The following PITPNB variants were observed in gnomAD, a reference collection of about 807,000 sequenced individuals.
PITPNB encodes phosphatidylinositol transfer protein beta.
In PITPNB, 16 loss-of-function variants were observed where a neutral mutation model predicts 45.9. The ratio of observed to expected loss-of-function variants is 0.35; its 90% confidence interval spans 0.24 to 0.53. The LOEUF (loss-of-function observed/expected upper bound fraction) is 0.53. Among genes scored for constraint, PITPNB ranks in the 20% least tolerant of loss-of-function variants. PITPNB has a pLI of 0.93. For synonymous variants in PITPNB, 112 were observed against 108.9 expected, an observed-to-expected ratio of 1.03 and a Z score of -0.18; for missense variants, 188 against 330.5, an observed-to-expected ratio of 0.57 and a Z score of 3.34.
intron 7 of PITPNB, among the ~76,000 whole-genome samples, chr22:27,883,821 G>GC (rs1485205037): frequency 6.6e-5 from 10 of 152,312 alleles, no homozygotes; most frequent in African/African-American, 2.4e-4. Flanking sequence ...GTACAGACCT[G>GC]CCTAATGACC....
intron 7 of PITPNB, among the ~76,000 whole-genome samples, chr22:27,893,254 C>G (rs938849401): frequency 6.6e-6 from 1 of 151,340 alleles, no homozygotes; most frequent in African/African-American, 2.4e-5. Flanking sequence ...TATTCATAAA[C>G]TTTGGCAAGA....
At chr22:27,879,767 A>G (rs1934916246) in intron 7 of PITPNB, among the ~76,000 whole-genome samples, 1 of 152,140 alleles carries the variant, frequency 6.6e-6, no homozygotes, top group Non-Finnish European at 1.5e-5. Context: ...TCCTTAAATG[A>G]CAGTAAATCA....
chr22:27,908,362 C>G (rs1935824792), intron 3 of PITPNB, among the ~76,000 whole-genome samples: 1 of 143,228 alleles, frequency 7.0e-6, no homozygotes. Context: ...TTTTTCAAAA[C>G]ACATGTAATG....
At chr22:27,918,807 T>G (rs1936172086) in intron 1 of PITPNB, among the ~76,000 whole-genome samples, 1 of 152,086 alleles carries the variant, frequency 6.6e-6, no homozygotes, top group African/African-American at 2.4e-5. Context: ...ACCCTCGGAC[T>G]GCGGCTCCTT....
intron 1 of PITPNB, among the ~76,000 whole-genome samples, chr22:27,917,086 T>C (rs892806380): frequency 1.3e-5 from 2 of 152,218 alleles, no homozygotes; most frequent in Non-Finnish European, 1.5e-5. Context: ...GAGATACACA[T>C]GAAGAGTTAA....
chr22:27,871,776 A>G (rs945158804), intron 8 of PITPNB, among the ~76,000 whole-genome samples: 2 of 152,222 alleles, frequency 1.3e-5, no homozygotes, highest in Non-Finnish European at 2.9e-5. Context: ...GTAATCCCCA[A>G]TGTTGAAATG....
chr22:27,886,462 T>C (rs769436513), intron 7 of PITPNB, among the ~76,000 whole-genome samples: 1 of 152,248 alleles, frequency 6.6e-6, no homozygotes, highest in African/African-American at 2.4e-5. Flanking sequence ...CCTAGAGTTA[T>C]TGTGATGATG....
chr22:27,882,840 C>A (rs1258062455), intron 7 of PITPNB, among the ~76,000 whole-genome samples: 1 of 152,252 alleles, frequency 6.6e-6, no homozygotes, highest in East Asian at 1.9e-4. Flanking sequence ...TTCAGCATGT[C>A]CGCGATTAAG....
At chr22:27,853,698 TAA>T in intron 11 of PITPNB, 35 bp from the exon 12 acceptor site, 1 of 1,455,380 alleles carries the variant, frequency 6.9e-7, no homozygotes, top group Non-Finnish European at 9.4e-7. Flanking sequence ...CAAAATGTGT[TAA>T]AATACAGAGA....
chr22:27,851,952 CCAAA>C lies in PITPNB; in HGVS notation c.*1746_*1749del, dbSNP rs1934031618. On this transcript the variant is annotated 3_prime_UTR_variant, in exon 12 of 12. Coordinates refer to ENST00000335272, the MANE Select transcript of PITPNB (RefSeq NM_012399.5). ...AAAATTAGCAATAATCTTCCTCGCA[CCAAA>C]CACTTTGCAGACAATGATTATGCTC... is the stretch of plus-strand genomic sequence containing the variant. 6.6e-6 allele frequency: 1 copy of C among 152,214 alleles called. No homozygotes were observed. The highest frequency in any genetic ancestry group is 1.5e-5 in the Non-Finnish European group (1 of 68,040). The allele number at this position is 152,214 out of a possible 1,614,324, so 9.4% of individuals were successfully genotyped here.
chr22:27,880,576 A>G (rs1934940594), intron 7 of PITPNB, among the ~76,000 whole-genome samples: 1 of 152,092 alleles, frequency 6.6e-6, no homozygotes, highest in African/African-American at 2.4e-5. Context: ...TAAATTAATA[A>G]TGGTTTCTAG....
At chr22:27,873,860 A>C in intron 7 of PITPNB, 45 bp from the exon 8 acceptor site, 2 of 1,292,024 alleles carry the variant, frequency 1.5e-6, no homozygotes, top group South Asian at 2.4e-5. Flanking sequence ...AAACCAGAGA[A>C]TATTCTTTAA....
intron 7 of PITPNB, among the ~76,000 whole-genome samples, chr22:27,877,114 G>C (rs1934841961): frequency 6.6e-6 from 1 of 152,100 alleles, no homozygotes; most frequent in Non-Finnish European, 1.5e-5. Context: ...TTTTAAAATG[G>C]GTTTTAAAAT....
chr22:27,877,313 A>C (rs1934847459), intron 7 of PITPNB, among the ~76,000 whole-genome samples: 1 of 152,232 alleles, frequency 6.6e-6, no homozygotes, highest in African/African-American at 2.4e-5. Flanking sequence ...TGCCTGAACA[A>C]AGAAAAAATA....
intron 8 of PITPNB, among the ~76,000 whole-genome samples, chr22:27,872,237 G>A (rs559947334): frequency 4.6e-5 from 7 of 151,908 alleles, no homozygotes; most frequent in East Asian, 1.9e-4. Flanking sequence ...GGGATTACAC[G>A]CAAGCACCAT....
chr22:27,910,793 T>C (rs944299234), intron 3 of PITPNB, 171 bp downstream of exon 3: 1 of 565,210 alleles, frequency 1.8e-6, no homozygotes. Flanking sequence ...GCAGATATAA[T>C]CCTTTTCTAA....
chr22:27,908,420 T>C (rs1046852003), intron 3 of PITPNB, among the ~76,000 whole-genome samples: 1 of 151,456 alleles, frequency 6.6e-6, no homozygotes, highest in Non-Finnish European at 1.5e-5. Context: ...CATGCAAGAA[T>C]GTATCAAACA....
chr22:27,855,052 T>C (rs910965420), intron 10 of PITPNB, 113 bp from the exon 11 acceptor site: 37 of 716,724 alleles, frequency 5.2e-5, no homozygotes, highest in Non-Finnish European at 8.0e-5. Flanking sequence ...CATAACCATA[T>C]CCACATTAAG....
chr22:27,906,174 G>T (rs536296673), intron 3 of PITPNB, among the ~76,000 whole-genome samples: 1 of 152,260 alleles, frequency 6.6e-6, no homozygotes, highest in Admixed American at 6.5e-5. Context: ...AACCAAGCAG[G>T]TTATGAGAGG....
Sources: allele counts gnomAD v4.1 joint callset (sites outside exome capture counted in the v4.1 genomes callset), GRCh38; gene constraint gnomAD v4.1.1; transcripts MANE v1.5; gene names NCBI Gene and HGNC (gene_info 2026-07-23, HGNC 2026-07-21).